Variants in PRR5L observed in about 807,000 individuals in gnomAD.
The protein encoded by PRR5L is proline-rich protein 5-like.
A neutral mutation model predicts 36.4 loss-of-function variants in PRR5L; 21 were observed. That is an observed-to-expected ratio of 0.58 (90% CI 0.41 to 0.83). The LOEUF (loss-of-function observed/expected upper bound fraction) is 0.83, where lower values mean the gene tolerates loss of function less well. Ranked by LOEUF, PRR5L falls within the 40% of genes least tolerant of loss-of-function variation. The pLI is 0.00. For missense variants in PRR5L, 381 were observed against 473.3 expected (o/e 0.80, Z 1.81); for synonymous variants, 188 against 197.0 (o/e 0.95, Z 0.38).
chr11:36,428,860 CTG>C (rs1858436181), intron 4 of PRR5L, among the ~76,000 whole-genome samples: 1 of 151,928 alleles, frequency 6.6e-6, no homozygotes. Flanking sequence ...TTGATTTTGA[CTG>C]TAGGACTGGG....
intron 7 of PRR5L, among the ~76,000 whole-genome samples, chr11:36,449,418 C>T (rs1051945266): frequency 6.6e-6 from 1 of 152,226 alleles, no homozygotes; most frequent in African/African-American, 2.4e-5. Context: ...TGTCGCTCTT[C>T]CACAATGTCC....
At chr11:36,389,901 T>C (rs1429571379) in intron 1 of PRR5L, among the ~76,000 whole-genome samples, 1 of 152,142 alleles carries the variant, frequency 6.6e-6, no homozygotes, top group Non-Finnish European at 1.5e-5. Flanking sequence ...TAAATGTTGA[T>C]GTTCTGAGCC....
intron 4 of PRR5L, among the ~76,000 whole-genome samples, chr11:36,427,573 G>A (rs1224497037): frequency 6.6e-6 from 1 of 152,114 alleles, no homozygotes; most frequent in Non-Finnish European, 1.5e-5. Flanking sequence ...CAGGAAGACT[G>A]GACACTTAGG....
At chr11:36,450,843 G>A (rs331475) in intron 7 of PRR5L, among the ~76,000 whole-genome samples, 316 of 152,308 alleles carry the variant, frequency 2.1e-3, no homozygotes, top group African/African-American at 6.9e-3. Context: ...GGAGACCTCC[G>A]TGCATTAATA....
intron 5 of PRR5L, among the ~76,000 whole-genome samples, chr11:36,435,164 C>T (rs1858579159): frequency 6.6e-6 from 1 of 152,086 alleles, no homozygotes; most frequent in African/African-American, 2.4e-5. Context: ...ACCAGGGTGA[C>T]TCAGATTGTG....
chr11:36,408,195 G>A (rs376410945), intron 3 of PRR5L, among the ~76,000 whole-genome samples: 7 of 151,814 alleles, frequency 4.6e-5, no homozygotes, highest in Non-Finnish European at 1.0e-4. Flanking sequence ...CAGGAGAATC[G>A]CTTGAACCTG....
chr11:36,374,954 G>T, intron 1 of PRR5L, among the ~76,000 whole-genome samples: 1 of 152,116 alleles, frequency 6.6e-6, no homozygotes, highest in Non-Finnish European at 1.5e-5. Flanking sequence ...TCAGTTTCTT[G>T]CCAGGCACGG....
At chr11:36,351,076 T>TTATAAATATATGTATTTTATA (rs1198995058) in intron 1 of PRR5L, among the ~76,000 whole-genome samples, 28 of 117,372 alleles carry the variant, frequency 2.4e-4, no homozygotes, top group Middle Eastern at 4.1e-3. Context: ...AAATATATAT[T>TTATAAATATATGTATTTTATA]TATAAATATA....
chr11:36,430,812 A>T (rs775977772), intron 4 of PRR5L, among the ~76,000 whole-genome samples: 1 of 152,214 alleles, frequency 6.6e-6, no homozygotes, highest in Non-Finnish European at 1.5e-5. Flanking sequence ...GCACAGCTAG[A>T]ATGTAGCTGA....
At chr11:36,389,198 G>A (rs1053000779) in intron 1 of PRR5L, among the ~76,000 whole-genome samples, 4 of 152,120 alleles carry the variant, frequency 2.6e-5, no homozygotes, top group Non-Finnish European at 5.9e-5. Flanking sequence ...TTGGTCAGAG[G>A]GTATGGCCTT....
At chr11:36,433,157 C>A (rs1269970317) in intron 5 of PRR5L, among the ~76,000 whole-genome samples, 1 of 152,156 alleles carries the variant, frequency 6.6e-6, no homozygotes, top group Non-Finnish European at 1.5e-5. Flanking sequence ...CAGTACTTTA[C>A]AGTTCAGTAG....
intron 1 of PRR5L, among the ~76,000 whole-genome samples, chr11:36,391,292 C>T (rs577762670): frequency 6.6e-5 from 10 of 152,350 alleles, no homozygotes; most frequent in Admixed American, 6.5e-4. Flanking sequence ...GCATTTTCCA[C>T]TAAGTGCAGC....
chr11:36,440,851 C>A (rs4756318), intron 6 of PRR5L, among the ~76,000 whole-genome samples: 1,645 of 152,240 alleles, frequency 0.011, 80 homozygotes, highest in Admixed American at 0.098. Flanking sequence ...CAAGAGGAAG[C>A]AAGAGACAGG....
At chr11:36,366,766 C>T (rs540888544) in intron 1 of PRR5L, among the ~76,000 whole-genome samples, 5 of 152,228 alleles carry the variant, frequency 3.3e-5, no homozygotes, top group African/African-American at 9.6e-5. Context: ...TAGGCTTTGA[C>T]TCTGAGGAAA....
rs1291797983 is a variant in PRR5L, at chr11:36,376,323, GGGAGAAGGGGGAGGAGGAGGAAGAGGA to G, written c.-125-24669_-125-24643del. On this transcript the variant is annotated intron_variant, in intron 1 of 8. Transcript: ENST00000530639. ...GGAGAAGGAGGAAGAGGGGAGGAGG[GGGAGAAGGGGGAGGAGGAGGAAGAGGA>G]GGAGGAGGAGGAGGAGGAGGAGGAG... 1.7e-5 allele frequency: 18 copies of G among 1,082,068 alleles called. No homozygotes were observed. The African/African-American group carries it at 3.0e-4, about 18-fold the overall frequency. 67.0% of individuals were successfully genotyped at this position (1,082,068 alleles called of 1,614,324 possible). A position where few individuals can be genotyped will look rare whatever the true frequency, so the allele number is the denominator to read the frequency against.
intron 1 of PRR5L, among the ~76,000 whole-genome samples, chr11:36,384,513 G>T (rs904805488): frequency 6.6e-6 from 1 of 152,058 alleles, no homozygotes; most frequent in African/African-American, 2.4e-5. Context: ...GACTTGAATT[G>T]GAATCATTAC....
intron 1 of PRR5L, among the ~76,000 whole-genome samples, chr11:36,336,798 A>ATT (rs1856773291): frequency 1.3e-5 from 2 of 151,996 alleles, no homozygotes; most frequent in Admixed American, 6.6e-5. Flanking sequence ...ACACCTATGT[A>ATT]CCATAGTTTT....
chr11:36,451,483 G>T (rs111958635), intron 8 of PRR5L, 148 bp downstream of exon 8: 6 of 954,220 alleles, frequency 6.3e-6, no homozygotes, highest in Non-Finnish European at 9.2e-6. Flanking sequence ...GTGCAAATCC[G>T]TGCATCTTAA....
At chr11:36,431,779 G>T in intron 4 of PRR5L, 74 bp from the exon 5 acceptor site, 1 of 1,379,454 alleles carries the variant, frequency 7.2e-7, no homozygotes. Context: ...CTTGCCCACT[G>T]GAAGTGGAAG....
Sources: allele counts gnomAD v4.1 joint callset (sites outside exome capture counted in the v4.1 genomes callset), GRCh38; gene constraint gnomAD v4.1.1; transcripts MANE v1.5; gene names NCBI Gene and HGNC (gene_info 2026-07-23, HGNC 2026-07-21).